The following PSD3 variants were observed in gnomAD, a reference collection of about 807,000 sequenced individuals.
PSD3 encodes PH and SEC7 domain-containing protein 3.
PSD3 carries 49 observed loss-of-function variants against 105.5 expected under a neutral mutation model. The observed-to-expected ratio is 0.46, with a 90% CI of 0.37 to 0.59. The LOEUF (loss-of-function observed/expected upper bound fraction) is 0.59, where lower values mean the gene tolerates loss of function less well. Ranked by LOEUF, PSD3 falls within the 20% of genes least tolerant of loss-of-function variation. The probability of loss-of-function intolerance (pLI) is 0.00; values close to 1 mark genes in which losing one functional copy is unlikely to be tolerated. For missense variants in PSD3, 1,561 were observed against 1,263.8 expected (o/e 1.24, Z -3.57); for synonymous variants, 557 against 457.8 (o/e 1.22, Z -2.77).
chr8:18,929,080 T>C (rs868724563), intron 2 of PSD3, among the ~76,000 whole-genome samples: 11 of 152,322 alleles, frequency 7.2e-5, no homozygotes, highest in African/African-American at 2.4e-4. Context: ...TTTTACACAT[T>C]AAATGGATGA....
chr8:18,974,642 G>A (rs1824829467), intron 1 of PSD3, among the ~76,000 whole-genome samples: 1 of 151,610 alleles, frequency 6.6e-6, no homozygotes, highest in Admixed American at 6.6e-5. Flanking sequence ...GGAGACTGAA[G>A]GAACCAACCT....
At chr8:18,620,709 C>G (rs776889680) in intron 11 of PSD3, among the ~76,000 whole-genome samples, 3 of 151,784 alleles carry the variant, frequency 2.0e-5, no homozygotes, top group Non-Finnish European at 4.4e-5. Flanking sequence ...GGACCTGTCT[C>G]AACAAAAGAA....
intron 1 of PSD3, among the ~76,000 whole-genome samples, chr8:18,968,463 A>G (rs562178410): frequency 6.6e-6 from 1 of 152,234 alleles, no homozygotes; most frequent in Admixed American, 6.5e-5. Context: ...CCTATTCTGA[A>G]AGAACCTTCG....
At chr8:18,788,294 A>G (rs1243313735) in intron 8 of PSD3, among the ~76,000 whole-genome samples, 1 of 152,202 alleles carries the variant, frequency 6.6e-6, no homozygotes. Context: ...TTCTGTTGCA[A>G]TAACGAGAGC....
intron 1 of PSD3, among the ~76,000 whole-genome samples, chr8:18,949,648 G>A (rs911668862): frequency 1.3e-5 from 2 of 151,978 alleles, no homozygotes; most frequent in African/African-American, 2.4e-5. Flanking sequence ...GACATAAATC[G>A]TGACCAGATC....
intron 4 of PSD3, among the ~76,000 whole-genome samples, chr8:18,821,915 G>A (rs909569557): frequency 6.9e-6 from 1 of 144,762 alleles, no homozygotes; most frequent in South Asian, 2.2e-4. Flanking sequence ...TGGTTGCTTA[G>A]AGGACAACCT....
chr8:18,547,661 G>C (rs1017915546), intron 15 of PSD3, among the ~76,000 whole-genome samples: 1 of 152,156 alleles, frequency 6.6e-6, no homozygotes, highest in African/African-American at 2.4e-5. Flanking sequence ...ATAAGTGGCA[G>C]GTATGTGTAA....
rs911696532 is a variant in PSD3 at position 18,532,543 on chromosome 8, T to C, written c.*3200A>G. 1 of 152,240 alleles carries C rather than the reference T, an allele frequency of 6.6e-6. No homozygotes were observed. The highest frequency in any genetic ancestry group is 1.5e-5 in the Non-Finnish European group (1 of 68,046). The allele number at this position is 152,240 out of a possible 1,614,324, so 9.4% of individuals were successfully genotyped here. A position where few individuals can be genotyped will look rare whatever the true frequency, so the allele number is the denominator to read the frequency against. ...AAAAGGTTACACATAATCCAGGGAC[T>C]ACATTTCCATCAGAGGACTCTCTCC... On this transcript the variant is annotated 3_prime_UTR_variant, in exon 16 of 16. Transcript: ENST00000327040.
At chr8:18,579,096 C>CCACACACACACACACACA (rs3988324) in intron 12 of PSD3, among the ~76,000 whole-genome samples, 6 of 143,556 alleles carry the variant, frequency 4.2e-5, no homozygotes, top group East Asian at 2.0e-4. Context: ...AGCTCCAAGT[C>CCACACACACACACACACA]CACACACACA....
At chr8:18,603,464 T>C (rs897092666) in intron 11 of PSD3, among the ~76,000 whole-genome samples, 1 of 152,184 alleles carries the variant, frequency 6.6e-6, no homozygotes, top group Non-Finnish European at 1.5e-5. Flanking sequence ...GTGAGGAGGG[T>C]CTTTTGGTGG....
intron 11 of PSD3, among the ~76,000 whole-genome samples, chr8:18,621,743 G>T (rs1044369855): frequency 6.6e-6 from 1 of 152,156 alleles, no homozygotes; most frequent in Non-Finnish European, 1.5e-5. Flanking sequence ...CAAGGGAAGG[G>T]AAAACCTTAG....
chr8:18,555,492 C>T (rs1801015436), intron 15 of PSD3, among the ~76,000 whole-genome samples: 1 of 152,108 alleles, frequency 6.6e-6, no homozygotes, highest in Non-Finnish European at 1.5e-5. Flanking sequence ...TTTTGTATTG[C>T]ATGCTACCTA....
chr8:18,694,520 G>C (rs568649548), intron 9 of PSD3, among the ~76,000 whole-genome samples: 54 of 151,898 alleles, frequency 3.6e-4, no homozygotes, highest in African/African-American at 1.3e-3. Flanking sequence ...TGAGGCAGGA[G>C]AATGGCGTGA....
chr8:18,823,267 T>C (rs973872524), intron 4 of PSD3, among the ~76,000 whole-genome samples: 1 of 152,176 alleles, frequency 6.6e-6, no homozygotes. Context: ...TTAAAATTTC[T>C]CCTTCAACTA....
chr8:18,660,480 G>C lies in PSD3; in HGVS notation c.2173-4795C>G, dbSNP rs922097600. 5.9e-5 allele frequency among the ~76,000 whole-genome samples: 9 copies of C among 152,282 alleles called. 1 individual carries two copies. The South Asian group carries it at 1.2e-3, about 21-fold the overall frequency. ...TACTCTAGCGTACTAGAGAATAGCAGATACCTAGCAAAGAATGATGATATA... is the reference window on the plus strand; with the variant it reads ...TACTCTAGCGTACTAGAGAATAGCACATACCTAGCAAAGAATGATGATATA... On this transcript the variant is annotated intron_variant, in intron 9 of 15. Transcript: ENST00000327040.
chr8:18,594,144 T>TATATAATATATATTATTATATACATA lies in PSD3; in HGVS notation c.2481+6194_2481+6219dup, dbSNP rs1563358170. Among the ~76,000 whole-genome samples, 13 of 56,230 alleles carry TATATAATATATATTATTATATACATA rather than the reference T, an allele frequency of 2.3e-4. 1 individual carries two copies. The highest frequency in any genetic ancestry group is 8.7e-4 in the Admixed American group (3 of 3,442). The allele number at this position is 56,230 out of a possible 152,430, so 36.9% of individuals were successfully genotyped here. A position where few individuals can be genotyped will look rare whatever the true frequency, so the allele number is the denominator to read the frequency against. ...ATAATAATATATATTATATATATAT[T>TATATAATATATATTATTATATACATA]ATATAATATATATTATTATATACAT... On this transcript the variant is annotated intron_variant, in intron 12 of 15. Transcript: ENST00000327040.
At chr8:18,831,553 C>A (rs1179732381) in intron 4 of PSD3, among the ~76,000 whole-genome samples, 1 of 152,088 alleles carries the variant, frequency 6.6e-6, no homozygotes. Context: ...GAAACCCAGT[C>A]TCTACTAAAA....
chr8:18,969,452 T>A (rs1050878371), intron 1 of PSD3, among the ~76,000 whole-genome samples: 2 of 152,194 alleles, frequency 1.3e-5, no homozygotes, highest in African/African-American at 4.8e-5. Flanking sequence ...AAGTTCTGGG[T>A]GACAGGGGAC....
intron 2 of PSD3, among the ~76,000 whole-genome samples, chr8:18,930,906 G>C (rs1397512919): frequency 6.6e-6 from 1 of 152,082 alleles, no homozygotes; most frequent in Admixed American, 6.6e-5. Context: ...TTACATTCCT[G>C]CCACCAGTGT....
Sources: gnomAD v4.1 joint callset for allele counts (sites outside exome capture counted in the v4.1 genomes callset) on GRCh38, gnomAD v4.1.1 for gene constraint, MANE v1.5 for transcripts, NCBI Gene and HGNC (gene_info 2026-07-23, HGNC 2026-07-21) for gene names.